The following MCM5 variants were observed in gnomAD, a reference collection of about 807,000 sequenced individuals.
The protein encoded by MCM5 is DNA replication licensing factor MCM5.
A neutral mutation model predicts 79.9 loss-of-function variants in MCM5; 46 were observed. The ratio of observed to expected loss-of-function variants is 0.58; its 90% CI spans 0.45 to 0.74. MCM5 has a LOEUF of 0.74. Among genes scored for constraint, MCM5 ranks in the 30% least tolerant of loss-of-function variants. The pLI, the probability that MCM5 is intolerant of heterozygous loss-of-function variation, is 0.00. For missense variants in MCM5, 883 were observed against 1,017.0 expected (o/e 0.87, Z 1.79); for synonymous variants, 404 against 390.5 (o/e 1.03, Z -0.41).
At chr22:35,441,850 G>A in the MCM5 span, among the ~76,000 whole-genome samples, 1 of 152,110 alleles carries the variant, frequency 6.6e-6, no homozygotes, top group African/African-American at 2.4e-5. Flanking sequence ...TGGGTGTGAA[G>A]GTGAGGCCAG....
downstream of MCM5, among the ~76,000 whole-genome samples, chr22:35,428,994 T>TC (rs1932795534): frequency 1.4e-5 from 2 of 144,674 alleles, no homozygotes; most frequent in Non-Finnish European, 3.0e-5. Context: ...TTTTTTTTTT[T>TC]TTTCTTTTTT....
chr22:35,416,696 T>C lies in MCM5; in HGVS notation c.1472T>C (p.Val491Ala), dbSNP rs761684969. 9.3e-6 allele frequency: 15 copies of C among 1,613,998 alleles called. No homozygotes were observed. The South Asian group carries it at 9.9e-5, about 11-fold the overall frequency. Residue 491 changes from valine (V) to alanine (A), a missense_variant, in exon 12 of 17, where the codon GTG becomes GCG. This residue lies in a region of MCM5 where 426 missense variants were observed against 482.3 expected (regional missense o/e 0.88). Transcript: ENST00000216122. ...RCSVLAAANS[V>A]FGRWDETKGE... ...TCCGTCCTGGCTGCTGCCAACTCAG[T>C]GTTCGGCCGCTGGGATGAGACGAAG... is the stretch of plus-strand genomic sequence containing the variant.
chr22:35,442,834 A>G, the MCM5 span, among the ~76,000 whole-genome samples: 1 of 152,062 alleles, frequency 6.6e-6, no homozygotes, highest in African/African-American at 2.4e-5. Context: ...CCAGGCCACT[A>G]CTCTGCCCCT....
At chr22:35,411,921 C>CA (rs1932393702) in intron 7 of MCM5, among the ~76,000 whole-genome samples, 1 of 152,224 alleles carries the variant, frequency 6.6e-6, no homozygotes, top group South Asian at 2.1e-4. Context: ...TGGCTCCTCT[C>CA]AGTCTTCCCA....
chr22:35,415,716 G>C, intron 9 of MCM5, 113 bp from the exon 10 acceptor site: 1 of 1,212,168 alleles, frequency 8.2e-7, no homozygotes, highest in East Asian at 2.3e-5. Context: ...GTACCCTGCA[G>C]CCAGCTTTGA....
chr22:35,416,312 G>C, intron 10 of MCM5, 27 bp from the exon 11 acceptor site: 1 of 1,609,462 alleles, frequency 6.2e-7, no homozygotes, highest in Non-Finnish European at 8.5e-7. Flanking sequence ...CAGTAGGTCT[G>C]ATGATATTTC....
At chr22:35,448,298 A>G in the MCM5 span, among the ~76,000 whole-genome samples, 2 of 151,934 alleles carry the variant, frequency 1.3e-5, no homozygotes, top group East Asian at 3.9e-4. Context: ...GGCTTTAGCT[A>G]TGTCTTCGTC....
the MCM5 span, among the ~76,000 whole-genome samples, chr22:35,453,799 G>GATATATATATATAT: frequency 2.3e-4 from 21 of 91,152 alleles, no homozygotes; most frequent in East Asian, 3.0e-4. Context: ...AGAGACAAAA[G>GATATATATATATAT]ATATATATAT....
At position 35,424,308 on chromosome 22, in the gene MCM5, C is replaced by A; in HGVS notation, c.*53C>A. 1 of 1,298,534 alleles carries A rather than the reference C, an allele frequency of 7.7e-7. No individual in the cohort carries two copies. The highest frequency in any genetic ancestry group is 1.1e-6 in the Non-Finnish European group (1 of 937,412). The allele number at this position is 1,298,534 out of a possible 1,614,324, so 80.4% of individuals were successfully genotyped here. A position where few individuals can be genotyped will look rare whatever the true frequency, so the allele number is the denominator to read the frequency against. ...CTCGCCCACGCCTCGCCCCTCCTGCCGCTGCCTGCCATTGACAATGTTGCT... is the reference window on the plus strand; with the variant it reads ...CTCGCCCACGCCTCGCCCCTCCTGCAGCTGCCTGCCATTGACAATGTTGCT... On this transcript the variant is annotated 3_prime_UTR_variant, in exon 17 of 17. Transcript: ENST00000216122.
intron 5 of MCM5, among the ~76,000 whole-genome samples, chr22:35,407,804 G>C (rs903812091): frequency 6.6e-6 from 1 of 152,154 alleles, no homozygotes; most frequent in Non-Finnish European, 1.5e-5. Context: ...TAATATGATT[G>C]TTTGCTTGTA....
Position 35,415,837 on chromosome 22 carries a change from G to A in MCM5, c.1212G>A (p.Thr404=), listed in dbSNP as rs188820496. 130 of 1,613,186 alleles carry A rather than the reference G, an allele frequency of 8.1e-5. No homozygotes were observed. Among genetic ancestry groups the A allele is most frequent in the Admixed American group, 1.0e-4 (6 of 60,008 alleles). The part of the protein sequence containing the change: ...VEKCSPIGVY[T]SGKGSSAAGL... ...CCACCCCACTGCCCCAGGTATACAC[G>A]TCTGGGAAAGGCAGCAGCGCAGCTG... The change falls in exon 10 of 17, where the codon ACG becomes ACA. Residue 404 remains threonine, a synonymous_variant. Transcript: ENST00000216122.
At position 35,417,770 on chromosome 22, in the gene MCM5, G is replaced by A; in HGVS notation, c.1617G>A (p.Leu539=). ...TGCTGGCCAAGCATGTCATCACTCTGCACGTGAGCGCACTGACACAGACAC... is the reference window on the plus strand; with the variant it reads ...TGCTGGCCAAGCATGTCATCACTCTACACGTGAGCGCACTGACACAGACAC... The part of the protein sequence containing the change: ...DVMLAKHVIT[L]HVSALTQTQA... The change falls in exon 13 of 17, where the codon CTG becomes CTA. Residue 539 remains leucine (L), a synonymous_variant. Coordinates refer to ENST00000216122, the MANE Select transcript of MCM5 (RefSeq NM_006739.4). 1 of 1,614,086 alleles carries A rather than the reference G, an allele frequency of 6.2e-7. No homozygotes were observed. Among genetic ancestry groups the A allele is most frequent in the East Asian group, 2.2e-5 (1 of 44,866 alleles).
At chr22:35,405,857 A>T (rs1932196249) in intron 4 of MCM5, among the ~76,000 whole-genome samples, 1 of 151,942 alleles carries the variant, frequency 6.6e-6, no homozygotes, top group African/African-American at 2.4e-5. Flanking sequence ...TAAAAATACA[A>T]AAAGTTAGCT....
the MCM5 span, among the ~76,000 whole-genome samples, chr22:35,447,641 A>G: frequency 4.1e-4 from 63 of 152,068 alleles, no homozygotes; most frequent in African/African-American, 1.3e-3. Context: ...CCCGTAATCT[A>G]TTTTTAGTAG....
chr22:35,448,534 A>G, the MCM5 span, among the ~76,000 whole-genome samples: 1 of 152,206 alleles, frequency 6.6e-6, no homozygotes, highest in Non-Finnish European at 1.5e-5. Context: ...GAAGTTCCGC[A>G]GTGCCCCAGG....
chr22:35,403,936 CAAAACAAAAAA>C (rs532808162), intron 4 of MCM5, among the ~76,000 whole-genome samples: 57 of 96,052 alleles, frequency 5.9e-4, no homozygotes, highest in East Asian at 5.1e-3. Flanking sequence ...CTCCAAAAAA[CAAAACAAAAAA>C]AAAACAAAAA....
At chr22:35,441,765 G>A in the MCM5 span, among the ~76,000 whole-genome samples, 3 of 152,080 alleles carry the variant, frequency 2.0e-5, no homozygotes, top group African/African-American at 2.4e-5. Context: ...GGGAAGGATC[G>A]ATGGAGAGGA....
intron 6 of MCM5, among the ~76,000 whole-genome samples, chr22:35,409,138 A>AT (rs1162423917): frequency 6.6e-6 from 1 of 151,916 alleles, no homozygotes; most frequent in Admixed American, 6.6e-5. Context: ...AATTTTTTGT[A>AT]TTTTTTAGTA....
In MCM5 at chr22:35,419,956, G is replaced by A; in HGVS notation, c.1776G>A (p.Gly592=). 1 of 1,613,278 alleles carries A rather than the reference G, an allele frequency of 6.2e-7. No individual in the cohort carries two copies. The highest frequency in any genetic ancestry group is 8.5e-7 in the Non-Finnish European group (1 of 1,179,740). The part of the protein sequence containing the change: ...LKNRYIIMRS[G]ARQHERDSDR... The stretch of plus-strand genomic sequence containing the variant: ...ACCGCTACATCATCATGCGGAGCGG[G>A]GCCCGTCAGCACGAGAGGGACAGTG... Residue 592 remains glycine, a synonymous_variant, in exon 14 of 17, where the codon GGG becomes GGA. Coordinates refer to ENST00000216122, the MANE Select transcript of MCM5 (RefSeq NM_006739.4).
Sources: allele counts gnomAD v4.1 joint callset (sites outside exome capture counted in the v4.1 genomes callset), GRCh38; gene constraint gnomAD v4.1.1; regional missense constraint gnomAD v4.1.1; transcripts MANE v1.5; gene names NCBI Gene and HGNC (gene_info 2026-07-23, HGNC 2026-07-21).